Variants in PRKCE observed in about 807,000 individuals in gnomAD.
The protein encoded by PRKCE is protein kinase C epsilon type.
In PRKCE, 16 loss-of-function variants were observed where a neutral mutation model predicts 85.4. That is an observed-to-expected ratio of 0.19 (90% CI 0.13 to 0.28). The LOEUF (loss-of-function observed/expected upper bound fraction) is 0.28. Among genes scored for constraint, PRKCE ranks in the 10% least tolerant of loss-of-function variants. The pLI, the probability that PRKCE is intolerant of heterozygous loss-of-function variation, is 1.00. For missense variants in PRKCE, 573 were observed against 975.2 expected, an observed-to-expected ratio of 0.59 and a Z score of 5.49; for synonymous variants, 388 against 371.5, an observed-to-expected ratio of 1.04 and a Z score of -0.51.
intron 1 of PRKCE, among the ~76,000 whole-genome samples, chr2:45,725,701 C>T (rs545679129): frequency 3.3e-5 from 5 of 152,116 alleles, no homozygotes; most frequent in South Asian, 2.1e-4. Flanking sequence ...CGTGGTGGCA[C>T]GCACCTGTAG....
rs572354552 is a variant in PRKCE at position 45,918,526 on chromosome 2, G to A, written c.413-57903G>A. Among the ~76,000 whole-genome samples, 11 of 152,272 alleles carry A rather than the reference G, an allele frequency of 7.2e-5. No homozygotes were observed. The South Asian group carries it at 2.3e-3, about 32-fold the overall frequency. ...ACAGGGCCAGAACAGAAAAGGGTTC[G>A]GACAATAAATGCAATTGGAGGAGGA... On this transcript the variant is annotated intron_variant, in intron 2 of 14. Transcript: ENST00000306156.
chr2:45,703,030 G>A (rs993165966), intron 1 of PRKCE, among the ~76,000 whole-genome samples: 7 of 112,668 alleles, frequency 6.2e-5, no homozygotes, highest in Admixed American at 2.6e-4. Context: ...TTCCCCCCCC[G>A]TCAGGAAGTC....
At position 46,001,618 on chromosome 2, in the gene PRKCE, G is replaced by A. The variant is rs1008576946; in HGVS notation, c.966+72G>A. On this transcript the variant is annotated intron_variant, in intron 7 of 14. Transcript: ENST00000306156. The surrounding 1 kb of genome is among the most constrained non-coding windows in gnomAD (Gnocchi z 4.4). ...ATTTCTGTGCTGACTTCCAGAGGGTGCTCTGGAGTGAGGTAATAAGATTCC... is the reference window on the plus strand; with the variant it reads ...ATTTCTGTGCTGACTTCCAGAGGGTACTCTGGAGTGAGGTAATAAGATTCC... The A allele has an allele frequency of 6.1e-6, 9 of 1,482,130 alleles. No individual in the cohort carries two copies. The Admixed American group carries it at 1.4e-4, about 23-fold the overall frequency. 91.8% of individuals were successfully genotyped at this position (1,482,130 alleles called of 1,614,324 possible). A position where few individuals can be genotyped will look rare whatever the true frequency, so the allele number is the denominator to read the frequency against.
intron 14 of PRKCE, among the ~76,000 whole-genome samples, chr2:46,170,470 G>A (rs904291735): frequency 6.6e-6 from 1 of 152,230 alleles, no homozygotes; most frequent in African/African-American, 2.4e-5. Flanking sequence ...ACAGTAATTA[G>A]CAATTAGCAA....
chr2:46,082,403 G>A (rs530243609), intron 10 of PRKCE, among the ~76,000 whole-genome samples: 26 of 152,274 alleles, frequency 1.7e-4, no homozygotes, highest in African/African-American at 4.8e-4. Flanking sequence ...AAATGACTAA[G>A]GTTTCTGAAG....
chr2:45,727,593 T>G (rs1681186706), intron 1 of PRKCE, among the ~76,000 whole-genome samples: 1 of 152,196 alleles, frequency 6.6e-6, no homozygotes, highest in South Asian at 2.1e-4. Flanking sequence ...TGCCTTTAGT[T>G]TCTTGCCATT....
intron 2 of PRKCE, among the ~76,000 whole-genome samples, chr2:45,879,106 C>T (rs763833003): frequency 2.6e-5 from 4 of 152,192 alleles, no homozygotes; most frequent in Non-Finnish European, 5.9e-5. Flanking sequence ...AGCACCCTGG[C>T]CCACCCTGCC....
intron 2 of PRKCE, among the ~76,000 whole-genome samples, chr2:45,944,429 T>G (rs1700092606): frequency 6.6e-6 from 1 of 152,222 alleles, no homozygotes; most frequent in South Asian, 2.1e-4. Flanking sequence ...CAAAACTTAT[T>G]GACTCGTAAA....
chr2:45,712,672 G>T lies in PRKCE; in HGVS notation c.348+60224G>T, dbSNP rs1214953961. On this transcript the variant is annotated intron_variant, in intron 1 of 14. Transcript: ENST00000306156. ...GGGGCCTGGACAGGCCATTCCCTTT[G>T]CCTGGAAGGGCCTTTTGCCTTTTTT... 2.6e-5 allele frequency among the ~76,000 whole-genome samples: 4 copies of T among 152,220 alleles called. No individual in the cohort carries two copies. The South Asian group carries it at 6.2e-4, about 24-fold the overall frequency.
At chr2:45,682,452 A>C (rs1298676530) in intron 1 of PRKCE, among the ~76,000 whole-genome samples, 1 of 151,896 alleles carries the variant, frequency 6.6e-6, no homozygotes, top group African/African-American at 2.4e-5. Context: ...TTTGAGACAG[A>C]ATCTTGCTCT....
At chr2:46,036,783 G>A (rs972142476) in intron 10 of PRKCE, among the ~76,000 whole-genome samples, 1 of 152,204 alleles carries the variant, frequency 6.6e-6, no homozygotes, top group Non-Finnish European at 1.5e-5. Context: ...CACTTGAGAT[G>A]TTCCTGGTGG....
At chr2:46,056,835 T>C (rs1666628104) in intron 10 of PRKCE, among the ~76,000 whole-genome samples, 1 of 152,138 alleles carries the variant, frequency 6.6e-6, no homozygotes, top group Non-Finnish European at 1.5e-5. Flanking sequence ...AATGAGAAAA[T>C]TCAAGTATAT....
Position 46,108,424 on chromosome 2 carries a change from A to G in PRKCE, c.1592+22062A>G, listed in dbSNP as rs1338383547. Among the ~76,000 whole-genome samples the G allele has an allele frequency of 8.5e-5, 13 of 152,340 alleles. No individual in the cohort carries two copies. The South Asian group carries it at 2.7e-3, about 32-fold the overall frequency. ...TCAGACACAGAACAACAAATATAGC[A>G]TGTCTTCACTTGTAAGAGGGAGATA... On this transcript the variant is annotated intron_variant, in intron 11 of 14. Coordinates refer to ENST00000306156, the MANE Select transcript of PRKCE (RefSeq NM_005400.3).
chr2:46,079,185 A>G lies in PRKCE; in HGVS notation c.1438-7023A>G, dbSNP rs575162354. Among the ~76,000 whole-genome samples the G allele has an allele frequency of 8.2e-3, 1,241 of 151,638 alleles. 23 individuals are homozygous for G. The highest frequency in any genetic ancestry group is 0.029 in the African/African-American group (1,196 of 41,372). ...AGCAAGACTCTGTCTCAAAAAAAAA[A>G]AAAAAAAGAAAATATAGGACTTTCC... is the stretch of plus-strand genomic sequence containing the variant. On this transcript the variant is annotated intron_variant, in intron 10 of 14. Coordinates refer to ENST00000306156, the MANE Select transcript of PRKCE (RefSeq NM_005400.3).
chr2:45,963,866 G>A (rs1451096731), intron 2 of PRKCE, among the ~76,000 whole-genome samples: 1 of 152,230 alleles, frequency 6.6e-6, no homozygotes, highest in Non-Finnish European at 1.5e-5. Context: ...GAAGGAGTTT[G>A]AGGAACTAAA....
chr2:45,870,888 T>TA (rs1694041188), intron 2 of PRKCE, among the ~76,000 whole-genome samples: 1 of 152,276 alleles, frequency 6.6e-6, no homozygotes, highest in Non-Finnish European at 1.5e-5. Context: ...AGACACTAGA[T>TA]GTTTGGAGGG....
In PRKCE at chr2:45,895,868, G is replaced by A. The variant is rs753396193; in HGVS notation, c.412+52805G>A. 6.6e-6 allele frequency among the ~76,000 whole-genome samples: 1 copy of A among 152,192 alleles called. No homozygotes were observed. The highest frequency in any genetic ancestry group is 1.5e-5 in the Non-Finnish European group (1 of 68,042). The stretch of plus-strand genomic sequence containing the variant: ...TGGGGCTGTGATAGAGAAGGGTGGA[G>A]GATGCAGGCAAGGGGCTCCCAGAGG... On this transcript the variant is annotated intron_variant, in intron 2 of 14. Coordinates refer to ENST00000306156, the MANE Select transcript of PRKCE (RefSeq NM_005400.3). The surrounding 1 kb of genome is among the most constrained non-coding windows in gnomAD (Gnocchi z 4.8).
At chr2:45,976,717 A>C (rs1274834391) in intron 3 of PRKCE, 129 bp downstream of exon 3, 2 of 1,140,504 alleles carry the variant, frequency 1.8e-6, no homozygotes, top group East Asian at 4.8e-5. Context: ...ATCTGAATGC[A>C]GGGGACTATT....
rs770259915 is a variant in PRKCE at position 45,904,297 on chromosome 2, G to A, written c.412+61234G>A. Among the ~76,000 whole-genome samples the A allele has an allele frequency of 1.2e-4, 19 of 152,126 alleles. 1 individual carries two copies. The highest frequency in any genetic ancestry group is 4.1e-4 in the South Asian group (2 of 4,826). ...GAAAGAAGCCGGTTGCGTGCGAACCGAGAAGTCTTGAAACCAAAAGAACTC... is the reference window on the plus strand; with the variant it reads ...GAAAGAAGCCGGTTGCGTGCGAACCAAGAAGTCTTGAAACCAAAAGAACTC... On this transcript the variant is annotated intron_variant, in intron 2 of 14. Coordinates refer to ENST00000306156, the MANE Select transcript of PRKCE (RefSeq NM_005400.3).
Sources: allele counts gnomAD v4.1 joint callset (sites outside exome capture counted in the v4.1 genomes callset), GRCh38; gene constraint gnomAD v4.1.1; non-coding constraint Gnocchi (gnomAD v3.1); transcripts MANE v1.5; gene names NCBI Gene and HGNC (gene_info 2026-07-23, HGNC 2026-07-21).